The following ASCC3 variants were observed in gnomAD, a reference collection of about 807,000 sequenced individuals.
ASCC3 encodes activating signal cointegrator 1 complex subunit 3.
In ASCC3, 158 loss-of-function variants were observed where a neutral mutation model predicts 256.3. That is an observed-to-expected ratio of 0.62 (90% CI 0.54 to 0.70). The LOEUF is 0.70. ASCC3 is among the 30% of genes least tolerant of loss of function. The probability of loss-of-function intolerance (pLI) is 0.00; values close to 1 mark genes in which losing one functional copy is unlikely to be tolerated. For synonymous variants in ASCC3, 948 were observed against 883.4 expected (o/e 1.07, Z -1.30); for missense variants, 2,259 against 2,626.0 (o/e 0.86, Z 3.05).
intron 13 of ASCC3, among the ~76,000 whole-genome samples, chr6:100,695,998 C>A (rs12664256): frequency 0.028 from 4,292 of 152,232 alleles, 177 homozygotes; most frequent in East Asian, 0.19. Context: ...TTTAACAGGT[C>A]TCTGACTGTA....
chr6:100,816,531 G>C (rs1770755921), intron 4 of ASCC3, among the ~76,000 whole-genome samples: 1 of 152,092 alleles, frequency 6.6e-6, no homozygotes, highest in Admixed American at 6.6e-5. Context: ...TGGTAGACTG[G>C]ACAATGAAAA....
intron 30 of ASCC3, among the ~76,000 whole-genome samples, chr6:100,609,620 G>A (rs1385285408): frequency 6.6e-6 from 1 of 152,040 alleles, no homozygotes; most frequent in East Asian, 1.9e-4. Context: ...CTAAATAGTT[G>A]TGGCTGGGTG....
intron 18 of ASCC3, among the ~76,000 whole-genome samples, chr6:100,652,391 T>C (rs1419317269): frequency 1.3e-5 from 2 of 152,054 alleles, no homozygotes; most frequent in Admixed American, 6.6e-5. Context: ...GCTATACAAA[T>C]AGAAGGTTTA....
chr6:100,856,424 T>C (rs1772942930), intron 3 of ASCC3: 7 of 981,606 alleles, frequency 7.1e-6, no homozygotes, highest in Non-Finnish European at 8.5e-6. Flanking sequence ...CAAGCATGTG[T>C]TACTTATCAA....
intron 36 of ASCC3, among the ~76,000 whole-genome samples, chr6:100,549,540 T>C (rs1769184645): frequency 6.6e-6 from 1 of 151,880 alleles, no homozygotes; most frequent in Non-Finnish European, 1.5e-5. Context: ...TATAAGACAG[T>C]GCTATTATTC....
intron 13 of ASCC3, among the ~76,000 whole-genome samples, chr6:100,702,486 G>C (rs1437973021): frequency 6.6e-6 from 1 of 152,120 alleles, no homozygotes; most frequent in African/African-American, 2.4e-5. Context: ...AGGATCATAT[G>C]GATCCAGAGC....
chr6:100,581,682 G>A (rs1417003308), intron 36 of ASCC3, among the ~76,000 whole-genome samples: 1 of 152,142 alleles, frequency 6.6e-6, no homozygotes, highest in African/African-American at 2.4e-5. Flanking sequence ...GAATGGTAAT[G>A]CCTAGGTTTT....
At chr6:100,714,182 A>T (rs1778987276) in intron 13 of ASCC3, among the ~76,000 whole-genome samples, 1 of 152,228 alleles carries the variant, frequency 6.6e-6, no homozygotes, top group South Asian at 2.1e-4. Context: ...GAGCTGCAAC[A>T]GAAAACATAA....
chr6:100,584,829 T>C (rs904661830), intron 36 of ASCC3, among the ~76,000 whole-genome samples: 1 of 152,188 alleles, frequency 6.6e-6, no homozygotes, highest in South Asian at 2.1e-4. Flanking sequence ...ATTTTATTTC[T>C]CCTTCAGTTA....
intron 10 of ASCC3, among the ~76,000 whole-genome samples, chr6:100,758,281 T>C (rs1049073247): frequency 1.3e-5 from 2 of 152,186 alleles, no homozygotes; most frequent in African/African-American, 4.8e-5. Flanking sequence ...GGGATACATG[T>C]GCAGAGTGTG....
rs1326085183 is a variant in ASCC3 at position 100,718,009 on chromosome 6, C to G, written c.2079+66G>C. 10 of 1,518,288 alleles carry G rather than the reference C, an allele frequency of 6.6e-6. No individual in the cohort carries two copies. In the Admixed American group the frequency reaches 1.7e-4, roughly 26 times the overall value. The allele number at this position is 1,518,288 out of a possible 1,614,324, so 94.1% of individuals were successfully genotyped here. A position where few individuals can be genotyped will look rare whatever the true frequency, so the allele number is the denominator to read the frequency against. On this transcript the variant is annotated intron_variant, in intron 12 of 41. Transcript: ENST00000369162. The stretch of plus-strand genomic sequence containing the variant: ...AAATGGTCTTTTGGAGTCTCTAACT[C>G]CAAACAAGTATTCAATAATAAGTCA...
At chr6:100,556,293 G>A (rs1324922082) in intron 36 of ASCC3, among the ~76,000 whole-genome samples, 1 of 151,908 alleles carries the variant, frequency 6.6e-6, no homozygotes, top group Non-Finnish European at 1.5e-5. Context: ...TATCAAAACA[G>A]GCCAATATAT....
chr6:100,560,820 T>C (rs944508823), intron 36 of ASCC3, among the ~76,000 whole-genome samples: 1 of 150,114 alleles, frequency 6.7e-6, no homozygotes, highest in Non-Finnish European at 1.5e-5. Flanking sequence ...GCACATACTG[T>C]AGGCTAAATT....
At chr6:100,722,630 A>G (rs1047437063) in intron 11 of ASCC3, among the ~76,000 whole-genome samples, 1 of 151,778 alleles carries the variant, frequency 6.6e-6, no homozygotes, top group African/African-American at 2.4e-5. Context: ...GTGTTTAATA[A>G]ATGTTCATTA....
chr6:100,809,910 T>C (rs1025757282), intron 4 of ASCC3, among the ~76,000 whole-genome samples: 2 of 152,068 alleles, frequency 1.3e-5, no homozygotes, highest in African/African-American at 4.8e-5. Flanking sequence ...TTAATAAGAA[T>C]AGTATCCCAG....
At chr6:100,624,951 T>C (rs114000403) in intron 30 of ASCC3, among the ~76,000 whole-genome samples, 2,340 of 152,030 alleles carry the variant, frequency 0.015, 56 homozygotes, top group African/African-American at 0.052. Context: ...ATGAAAATGA[T>C]TGAATGTTAC....
At chr6:100,874,988 C>A (rs927824929) in intron 1 of ASCC3, among the ~76,000 whole-genome samples, 13 of 152,192 alleles carry the variant, frequency 8.5e-5, no homozygotes, top group African/African-American at 2.9e-4. Context: ...GACCAAACAA[C>A]ATGTCTCAAA....
intron 13 of ASCC3, among the ~76,000 whole-genome samples, chr6:100,695,090 T>C (rs1432580008): frequency 2.0e-5 from 3 of 152,204 alleles, no homozygotes; most frequent in Admixed American, 1.3e-4. Context: ...TCACTTCTGT[T>C]GTATTATTGT....
chr6:100,660,253 T>C (rs1344962558), intron 16 of ASCC3, among the ~76,000 whole-genome samples: 2 of 151,628 alleles, frequency 1.3e-5, no homozygotes, highest in Non-Finnish European at 3.0e-5. Flanking sequence ...AATTATAATG[T>C]AGTGACCTTG....
Sources: allele counts gnomAD v4.1 joint callset (sites outside exome capture counted in the v4.1 genomes callset), GRCh38; gene constraint gnomAD v4.1.1; transcripts MANE v1.5; gene names NCBI Gene and HGNC (gene_info 2026-07-23, HGNC 2026-07-21).